Variants in MLXIP observed in about 807,000 individuals in gnomAD.
MLXIP encodes the protein MLX-interacting protein.
Under a neutral mutation model 87.2 loss-of-function variants are expected in MLXIP, and 30 were observed. The ratio of observed to expected loss-of-function variants is 0.34; its 90% CI spans 0.26 to 0.47. MLXIP has a LOEUF of 0.47. MLXIP is among the 20% of genes least tolerant of loss of function. The pLI is 1.00. For missense variants in MLXIP, 1,002 were observed against 1,240.1 expected, an observed-to-expected ratio of 0.81 and a Z score of 2.88; for synonymous variants, 530 against 514.0, an observed-to-expected ratio of 1.03 and a Z score of -0.42.
rs1283637911 is a variant in MLXIP, at chr12:122,142,447, C to T, written c.*635C>T. On this transcript the variant is annotated 3_prime_UTR_variant, in exon 17 of 17. Coordinates refer to ENST00000319080, the MANE Select transcript of MLXIP (RefSeq NM_014938.6). ...GTGTGCAGAAACGGTGGATGTGGAA[C>T]ACACAGGACCAGAATGGAAGCGTGT... 2.5e-6 allele frequency: 1 copy of T among 400,586 alleles called. No individual in the cohort carries two copies. The highest frequency in any genetic ancestry group is 2.1e-5 in the African/African-American group (1 of 48,750). The allele number at this position is 400,586 out of a possible 1,614,324, so 24.8% of individuals were successfully genotyped here.
chr12:122,091,320 C>T (rs1952241938), intron 1 of MLXIP, among the ~76,000 whole-genome samples: 1 of 152,066 alleles, frequency 6.6e-6, no homozygotes, highest in Admixed American at 6.5e-5. Context: ...TGGAGCATTC[C>T]TTCTAGACTG....
intron 1 of MLXIP, among the ~76,000 whole-genome samples, chr12:122,080,542 C>A (rs1427009211): frequency 1.3e-5 from 2 of 152,186 alleles, no homozygotes; most frequent in African/African-American, 4.8e-5. Flanking sequence ...GATTAGTCAA[C>A]TTGTTCTTTG....
At chr12:122,081,237 T>G (rs1285449710) in intron 1 of MLXIP, among the ~76,000 whole-genome samples, 1 of 152,156 alleles carries the variant, frequency 6.6e-6, no homozygotes, top group Non-Finnish European at 1.5e-5. Context: ...GTGCCTAAGG[T>G]CTCCTGCTGC....
At chr12:122,086,597 G>T (rs1447564259) in intron 1 of MLXIP, among the ~76,000 whole-genome samples, 1 of 152,160 alleles carries the variant, frequency 6.6e-6, no homozygotes, top group African/African-American at 2.4e-5. Flanking sequence ...GATAGCCAGT[G>T]TCTTAGGTGA....
At position 122,145,179 on chromosome 12, in the gene MLXIP, C is replaced by T. The variant is rs183657516; in HGVS notation, c.*3367C>T. 9 of 152,344 alleles carry T rather than the reference C, an allele frequency of 5.9e-5. No individual in the cohort carries two copies. The highest frequency in any genetic ancestry group is 2.1e-4 in the South Asian group (1 of 4,830). The allele number at this position is 152,344 out of a possible 1,614,324, so 9.4% of individuals were successfully genotyped here. A position where few individuals can be genotyped will look rare whatever the true frequency, so the allele number is the denominator to read the frequency against. On this transcript the variant is annotated 3_prime_UTR_variant, in exon 17 of 17. Transcript: ENST00000319080. ...ATTTTACCGCAGGAAGCAATAGCAG[C>T]GCTGGCCATTGGTGCTGATGACAGC...
chr12:122,090,409 C>A (rs1203765066), intron 1 of MLXIP, among the ~76,000 whole-genome samples: 1 of 150,558 alleles, frequency 6.6e-6, no homozygotes, highest in African/African-American at 2.4e-5. Flanking sequence ...AGGCAGGAGA[C>A]TCTCTTGAAA....
rs954656114 is a variant in MLXIP at position 122,133,268 on chromosome 12, T to A, written c.1093-80T>A. ...CTGTCCCAGCGCCCGGCCTGTGTAG[T>A]TGGACTTGGCAGTGTGCAGCGCTAG... is the stretch of plus-strand genomic sequence containing the variant. On this transcript the variant is annotated intron_variant, in intron 8 of 16. Coordinates refer to ENST00000319080, the MANE Select transcript of MLXIP (RefSeq NM_014938.6). The surrounding 1 kb of genome is among the most constrained non-coding windows in gnomAD (Gnocchi z 4.9). 1.5e-5 allele frequency: 22 copies of A among 1,477,922 alleles called. No individual in the cohort carries two copies. The highest frequency in any genetic ancestry group is 2.0e-5 in the Non-Finnish European group (22 of 1,112,280). The allele number at this position is 1,477,922 out of a possible 1,614,324, so 91.6% of individuals were successfully genotyped here. A position where few individuals can be genotyped will look rare whatever the true frequency, so the allele number is the denominator to read the frequency against.
At chr12:122,088,706 G>A (rs1339177999) in intron 1 of MLXIP, among the ~76,000 whole-genome samples, 1 of 152,102 alleles carries the variant, frequency 6.6e-6, no homozygotes, top group Non-Finnish European at 1.5e-5. Context: ...TTTGAAAGCT[G>A]GTTACTATTC....
chr12:122,135,588 A>G lies in MLXIP; in HGVS notation c.1954A>G (p.Thr652Ala), dbSNP rs1179355718. ...PAPVSRLFPS[T>A]AQDPLGKGEQ... ...CCCCGTCTCCCGGCTCTTCCCAAGC[A>G]CAGCGCAAGACCCCCTGGGGAAGGG... The change falls in exon 11 of 17, where the codon ACA becomes GCA. Residue 652 changes from threonine to alanine, a missense_variant. Thr to Ala is a moderately conservative substitution (Grantham distance 58). Around this residue, in one of 3 missense-constraint regions of MLXIP, gnomAD observed 746 missense variants for 897.0 expected, o/e 0.83. Coordinates refer to ENST00000319080, the MANE Select transcript of MLXIP (RefSeq NM_014938.6). This position sits in a 1 kb window ranked among gnomAD's most constrained non-coding sequence, Gnocchi z 5.3. The G allele has an allele frequency of 1.3e-6, 2 of 1,589,776 alleles. No individual in the cohort carries two copies. Among genetic ancestry groups the G allele is most frequent in the African/African-American group, 2.7e-5 (2 of 74,436 alleles).
intron 1 of MLXIP, among the ~76,000 whole-genome samples, chr12:122,118,902 C>G (rs572770860): frequency 6.2e-4 from 93 of 150,534 alleles, no homozygotes; most frequent in African/African-American, 2.3e-3. Flanking sequence ...CACGGTGGCT[C>G]GTGCCTGTAA....
intron 4 of MLXIP, 79 bp downstream of exon 4, chr12:122,129,305 G>C (rs577339358): frequency 7.6e-7 from 1 of 1,309,944 alleles, no homozygotes; most frequent in Non-Finnish European, 1.1e-6. Context: ...TGGCCGAGGC[G>C]GTAGGCTCCA....
In MLXIP at chr12:122,142,380, G is replaced by A; in HGVS notation, c.*568G>A. ...TATTCAGGCTTATGCATGGCAGGCT[G>A]CCAGGGGGAAGTGCCTTCTTCAGAG... On this transcript the variant is annotated 3_prime_UTR_variant, in exon 17 of 17. Transcript: ENST00000319080. 2 of 530,554 alleles carry A rather than the reference G, an allele frequency of 3.8e-6. No homozygotes were observed. Among genetic ancestry groups the A allele is most frequent in the Non-Finnish European group, 7.2e-6 (2 of 276,108 alleles). 32.9% of individuals were successfully genotyped at this position (530,554 alleles called of 1,614,324 possible). A position where few individuals can be genotyped will look rare whatever the true frequency, so the allele number is the denominator to read the frequency against.
At chr12:122,079,528 C>T (rs1193413919) in intron 1 of MLXIP, among the ~76,000 whole-genome samples, 1 of 152,232 alleles carries the variant, frequency 6.6e-6, no homozygotes, top group Non-Finnish European at 1.5e-5. Context: ...CCTGGGACCA[C>T]CGATGTTGGA....
At chr12:122,105,065 T>A (rs1952499185) in intron 1 of MLXIP, among the ~76,000 whole-genome samples, 1 of 152,186 alleles carries the variant, frequency 6.6e-6, no homozygotes, top group Non-Finnish European at 1.5e-5. Context: ...AAGGCTTTGT[T>A]AGATTTAGGT....
Position 122,133,869 on chromosome 12 carries a change from T to C in MLXIP, c.1614T>C (p.Phe538=). 6.2e-7 allele frequency: 1 copy of C among 1,612,742 alleles called. No homozygotes were observed. ...GGCCTCCCCAGCCACGGTTAACTTTTGTGCACCCCAAACCTGTATCCTTGA... is the reference window on the plus strand; with the variant it reads ...GGCCTCCCCAGCCACGGTTAACTTTCGTGCACCCCAAACCTGTATCCTTGA... The part of the protein sequence containing the change: ...VTRPPQPRLT[F]VHPKPVSLTG... Residue 538 remains phenylalanine, a synonymous_variant, in exon 9 of 17, where the codon TTT becomes TTC. Coordinates refer to ENST00000319080, the MANE Select transcript of MLXIP (RefSeq NM_014938.6). This position sits in a 1 kb window ranked among gnomAD's most constrained non-coding sequence, Gnocchi z 4.9.
Position 122,133,897 on chromosome 12 carries a change from G to T in MLXIP, c.1642G>T (p.Gly548Trp). Residue 548 changes from glycine (G) to tryptophan (W), a missense_variant, in exon 9 of 17, where the codon GGG becomes TGG. Physicochemically the swap from Gly to Trp is radical, Grantham distance 184 (BLOSUM62 -2). Coordinates refer to ENST00000319080, the MANE Select transcript of MLXIP (RefSeq NM_014938.6). The surrounding 1 kb of genome is among the most constrained non-coding windows in gnomAD (Gnocchi z 4.9). Reference protein sequence around the residue: ...FVHPKPVSLTGGRPKQPHKIV... With the variant: ...FVHPKPVSLTWGRPKQPHKIV... ...GCACCCCAAACCTGTATCCTTGACT[G>T]GGGGCAGGCCTAAGCAGCCCCACAA... The T allele has an allele frequency of 6.2e-7, 1 of 1,610,306 alleles. No homozygotes were observed. The highest frequency in any genetic ancestry group is 8.5e-7 in the Non-Finnish European group (1 of 1,178,556).
Position 122,129,243 on chromosome 12 carries a change from T to G in MLXIP, c.696+17T>G. 1 of 1,594,580 alleles carries G rather than the reference T, an allele frequency of 6.3e-7. No homozygotes were observed. The highest frequency in any genetic ancestry group is 1.9e-4 in the Middle Eastern group (1 of 5,372). ...AAGAAAAGGGTATCTGGCTGGAGTG[T>G]TCAGGCAGCCCGCCTAGGGAGGGAG... On this transcript the variant is annotated intron_variant, in intron 4 of 16. Coordinates refer to ENST00000319080, the MANE Select transcript of MLXIP (RefSeq NM_014938.6).
chr12:122,133,902 C>A lies in MLXIP; in HGVS notation c.1647C>A (p.Gly549=). Residue 549 remains glycine, a synonymous_variant, in exon 9 of 17, where the codon GGC becomes GGA. Coordinates refer to ENST00000319080, the MANE Select transcript of MLXIP (RefSeq NM_014938.6). This position sits in a 1 kb window ranked among gnomAD's most constrained non-coding sequence, Gnocchi z 4.9. The part of the protein sequence containing the change: ...VHPKPVSLTG[G]RPKQPHKIVP... ...CCAAACCTGTATCCTTGACTGGGGGCAGGCCTAAGCAGCCCCACAAAATAG... is the reference window on the plus strand; with the variant it reads ...CCAAACCTGTATCCTTGACTGGGGGAAGGCCTAAGCAGCCCCACAAAATAG... 1 of 1,609,284 alleles carries A rather than the reference C, an allele frequency of 6.2e-7. No individual in the cohort carries two copies. Among genetic ancestry groups the A allele is most frequent in the Non-Finnish European group, 8.5e-7 (1 of 1,178,080 alleles).
At chr12:122,138,594 C>A in intron 14 of MLXIP, 43 bp downstream of exon 14, 1 of 1,580,976 alleles carries the variant, frequency 6.3e-7, no homozygotes, top group South Asian at 1.1e-5. Flanking sequence ...CACCCCATCC[C>A]GATGCAGGGC....
Sources: allele counts gnomAD v4.1 joint callset (sites outside exome capture counted in the v4.1 genomes callset), GRCh38; gene constraint gnomAD v4.1.1; regional missense constraint gnomAD v4.1.1; non-coding constraint Gnocchi (gnomAD v3.1); transcripts MANE v1.5; gene names NCBI Gene and HGNC (gene_info 2026-07-23, HGNC 2026-07-21).